MIPOL1: variants seen among roughly 807,000 people sequenced by gnomAD.
MIPOL1 encodes mirror-image polydactyly gene 1 protein.
In MIPOL1, 57 loss-of-function variants were observed where a neutral mutation model predicts 60.9. That is an observed-to-expected ratio of 0.94 (90% CI 0.76 to 1.17). MIPOL1 has a LOEUF of 1.17. Among genes scored for constraint, MIPOL1 ranks in the 50% most tolerant of loss-of-function variants. MIPOL1 has a pLI of 0.00. For synonymous variants in MIPOL1, 179 were observed against 168.8 expected (o/e 1.06, Z -0.47); for missense variants, 551 against 511.6 (o/e 1.08, Z -0.74).
At chr14:37,342,989 A>AATATATATTT (rs1555400776) in intron 9 of MIPOL1, among the ~76,000 whole-genome samples, 3 of 149,792 alleles carry the variant, frequency 2.0e-5, no homozygotes, top group Non-Finnish European at 3.0e-5. Context: ...ATGTAGTTAA[A>AATATATATTT]ATATATATTT....
intron 11 of MIPOL1, among the ~76,000 whole-genome samples, chr14:37,451,808 C>CTCT (rs1418256414): frequency 9.5e-5 from 8 of 84,574 alleles, no homozygotes; most frequent in African/African-American, 4.4e-4. Flanking sequence ...TTTATTCTCT[C>CTCT]TTTTTTTTTT....
At chr14:37,274,399 C>A (rs529477166) in intron 6 of MIPOL1, among the ~76,000 whole-genome samples, 4 of 151,506 alleles carry the variant, frequency 2.6e-5, no homozygotes, top group African/African-American at 4.8e-5. Context: ...ACATCACCAT[C>A]ATTACTGTCA....
chr14:37,500,102 G>C lies in MIPOL1; in HGVS notation c.1226G>C (p.Arg409Thr), dbSNP rs1341647452. 3 of 1,613,180 alleles carry C rather than the reference G, an allele frequency of 1.9e-6. No homozygotes were observed. The highest frequency in any genetic ancestry group is 1.7e-5 in the Admixed American group (1 of 59,860). ...ATGGAATTACAACTTCAACATGCCAGAGAGGCCTCCCAAGTGGCCAATGAA... is the reference window on the plus strand; with the variant it reads ...ATGGAATTACAACTTCAACATGCCACAGAGGCCTCCCAAGTGGCCAATGAA... ...ANMELQLQHA[R>T]EASQVANEKV... Residue 409 changes from arginine (R) to threonine (T), a missense_variant, in exon 12 of 13, where the codon AGA becomes ACA. By Grantham distance (71) the Arg-to-Thr change is moderately conservative (BLOSUM62 -1). Transcript: ENST00000684589.
intron 10 of MIPOL1, among the ~76,000 whole-genome samples, chr14:37,374,963 T>C (rs145184530): frequency 0.016 from 2,408 of 152,272 alleles, 55 homozygotes; most frequent in African/African-American, 0.055. Flanking sequence ...AATCTATAAA[T>C]TACCTTGGGC....
intron 1 of MIPOL1, among the ~76,000 whole-genome samples, chr14:37,244,407 C>A (rs1972856434): frequency 6.6e-6 from 1 of 151,914 alleles, no homozygotes; most frequent in African/African-American, 2.4e-5. Flanking sequence ...AGGCGTGAGC[C>A]ACCATGCCCC....
At chr14:37,270,309 A>G (rs1431099776) in intron 5 of MIPOL1, 111 bp from the exon 6 acceptor site, 2 of 489,256 alleles carry the variant, frequency 4.1e-6, no homozygotes, top group African/African-American at 4.0e-5. Context: ...TCTATCTAGG[A>G]AGTTAAATAT....
intron 1 of MIPOL1, among the ~76,000 whole-genome samples, chr14:37,202,327 A>G (rs1965469458): frequency 1.3e-5 from 2 of 152,078 alleles, no homozygotes; most frequent in Non-Finnish European, 2.9e-5. Flanking sequence ...AATTCATTGC[A>G]GTTAAGTAAG....
At chr14:37,519,181 G>T (rs1039085192) in intron 12 of MIPOL1, among the ~76,000 whole-genome samples, 1 of 152,154 alleles carries the variant, frequency 6.6e-6, no homozygotes, top group Non-Finnish European at 1.5e-5. Flanking sequence ...AGTCTAAATA[G>T]TTTGAGAGAG....
intron 9 of MIPOL1, among the ~76,000 whole-genome samples, chr14:37,323,079 G>A (rs1000711931): frequency 1.3e-5 from 2 of 151,968 alleles, no homozygotes; most frequent in Non-Finnish European, 2.9e-5. Flanking sequence ...GTATTGCCTA[G>A]GTTTTCTTCT....
chr14:37,282,701 A>G (rs1012320033), intron 6 of MIPOL1, among the ~76,000 whole-genome samples: 32 of 126,186 alleles, frequency 2.5e-4, no homozygotes, highest in Non-Finnish European at 6.3e-5. Flanking sequence ...GTAAGGTGTA[A>G]TTGTGCCACT....
At chr14:37,295,335 A>T (rs564669239) in intron 7 of MIPOL1, among the ~76,000 whole-genome samples, 5 of 152,340 alleles carry the variant, frequency 3.3e-5, no homozygotes, top group African/African-American at 1.2e-4. Context: ...AACCGGTACC[A>T]GCCACTGGAA....
intron 10 of MIPOL1, among the ~76,000 whole-genome samples, chr14:37,406,725 G>A (rs1164149445): frequency 6.6e-6 from 1 of 152,046 alleles, no homozygotes; most frequent in Non-Finnish European, 1.5e-5. Context: ...AGTTGGCTTG[G>A]TAGATGAAAA....
intron 11 of MIPOL1, among the ~76,000 whole-genome samples, chr14:37,491,350 G>A (rs898642096): frequency 1.3e-5 from 2 of 152,120 alleles, no homozygotes; most frequent in South Asian, 2.1e-4. Flanking sequence ...GCAACATGGC[G>A]AAACTCCGCC....
At chr14:37,292,464 A>ATTTTT (rs2085178552) in intron 7 of MIPOL1, among the ~76,000 whole-genome samples, 2 of 82,098 alleles carry the variant, frequency 2.4e-5, no homozygotes, top group African/African-American at 4.2e-5. Flanking sequence ...TCCTTAATAA[A>ATTTTT]CTTTTTTTTT....
chr14:37,382,692 G>T (rs929793021), intron 10 of MIPOL1, among the ~76,000 whole-genome samples: 1 of 151,978 alleles, frequency 6.6e-6, no homozygotes, highest in South Asian at 2.1e-4. Flanking sequence ...TTCAGTGTTG[G>T]TTAGTTTTTC....
At chr14:37,526,935 TTGAG>T (rs1269579222) in intron 12 of MIPOL1, among the ~76,000 whole-genome samples, 7 of 152,170 alleles carry the variant, frequency 4.6e-5, no homozygotes, top group Non-Finnish European at 1.0e-4. Flanking sequence ...TTCACTACTA[TTGAG>T]TAAGTTGTTA....
chr14:37,539,189 G>A (rs537363594), intron 12 of MIPOL1, among the ~76,000 whole-genome samples: 6 of 151,600 alleles, frequency 4.0e-5, no homozygotes, highest in African/African-American at 1.5e-4. Context: ...GTGACAGAGG[G>A]AGACTCCGTC....
intron 11 of MIPOL1, among the ~76,000 whole-genome samples, chr14:37,495,599 A>AT (rs2095113450): frequency 2.1e-5 from 3 of 144,124 alleles, no homozygotes; most frequent in South Asian, 4.6e-4. Context: ...ATACGTGTGC[A>AT]TGTGTCTTTA....
chr14:37,294,786 G>A (rs1292467086), intron 7 of MIPOL1, among the ~76,000 whole-genome samples: 7 of 152,070 alleles, frequency 4.6e-5, no homozygotes, highest in African/African-American at 7.2e-5. Flanking sequence ...CAAAGCCTCC[G>A]AGAAATATGG....
Sources: allele counts gnomAD v4.1 joint callset (sites outside exome capture counted in the v4.1 genomes callset), GRCh38; gene constraint gnomAD v4.1.1; transcripts MANE v1.5; gene names NCBI Gene and HGNC (gene_info 2026-07-23, HGNC 2026-07-21).